Variants in SLIT2 observed in about 807,000 individuals in gnomAD.
SLIT2 encodes the protein slit guidance ligand 2.
Under a neutral mutation model 185.7 loss-of-function variants are expected in SLIT2, and 41 were observed. The ratio of observed to expected loss-of-function variants is 0.22; its 90% CI spans 0.17 to 0.29. SLIT2 has a LOEUF of 0.29. Among genes scored for constraint, SLIT2 ranks in the 10% least tolerant of loss-of-function variants. The probability of loss-of-function intolerance (pLI) is 1.00; values close to 1 mark genes in which losing one functional copy is unlikely to be tolerated. For synonymous variants in SLIT2, 693 were observed against 680.2 expected (o/e 1.02, Z -0.29); for missense variants, 1,571 against 1,909.0 (o/e 0.82, Z 3.30).
At chr4:20,536,062 G>T (rs77761050) in intron 18 of SLIT2, among the ~76,000 whole-genome samples, 4,534 of 152,174 alleles carry the variant, frequency 0.03, 238 homozygotes, top group African/African-American at 0.1. Context: ...ACAATGTAAA[G>T]TATTTGTGTA....
At chr4:20,266,141 A>C (rs1317458713) in intron 3 of SLIT2, among the ~76,000 whole-genome samples, 1 of 151,902 alleles carries the variant, frequency 6.6e-6, no homozygotes, top group African/African-American at 2.4e-5. Context: ...TTACACAGTG[A>C]ATTAGGAACC....
chr4:20,534,676 C>A (rs1722112228), intron 18 of SLIT2, among the ~76,000 whole-genome samples: 2 of 152,114 alleles, frequency 1.3e-5, no homozygotes, highest in South Asian at 4.1e-4. Flanking sequence ...CTGTCTCCCT[C>A]AAACCCACGA....
Position 20,613,994 on chromosome 4 carries a change from C to T in SLIT2, c.3848-2916C>T, listed in dbSNP as rs544684599. Among the ~76,000 whole-genome samples, 3 of 152,292 alleles carry T rather than the reference C, an allele frequency of 2.0e-5. No homozygotes were observed. The South Asian group carries it at 6.2e-4, about 32-fold the overall frequency. Reference sequence around the variant, plus strand: ...TCAAGTGATTCTCCTGCCTCAGCCTCCCAAGTAGCTGGGATTACAGGCGCC... The same window carrying T: ...TCAAGTGATTCTCCTGCCTCAGCCTTCCAAGTAGCTGGGATTACAGGCGCC... On this transcript the variant is annotated intron_variant, in intron 34 of 36. Coordinates refer to ENST00000504154, the MANE Select transcript of SLIT2 (RefSeq NM_004787.4).
intron 26 of SLIT2, among the ~76,000 whole-genome samples, chr4:20,559,503 C>G (rs1724523676): frequency 6.6e-6 from 1 of 151,916 alleles, no homozygotes; most frequent in South Asian, 2.1e-4. Context: ...AATGAAGACT[C>G]TGCTAGTTCA....
intron 5 of SLIT2, among the ~76,000 whole-genome samples, chr4:20,472,421 T>TATAGATATATAG (rs1715389930): frequency 1.1e-5 from 1 of 87,640 alleles, no homozygotes; most frequent in African/African-American, 4.7e-5. Flanking sequence ...TATATCTATA[T>TATAGATATATAG]ATATAGATAT....
chr4:20,463,466 T>TATATATATAC (rs1346400055), intron 4 of SLIT2, among the ~76,000 whole-genome samples: 1 of 83,320 alleles, frequency 1.2e-5, no homozygotes, highest in Non-Finnish European at 2.5e-5. Context: ...TATATATATA[T>TATATATATAC]ATATATATAT....
intron 7 of SLIT2, among the ~76,000 whole-genome samples, chr4:20,487,487 G>A (rs1397261762): frequency 6.6e-6 from 1 of 152,106 alleles, no homozygotes; most frequent in Non-Finnish European, 1.5e-5. Flanking sequence ...AGAAATTCGT[G>A]AGTTTGTCTT....
At chr4:20,307,092 C>T in intron 4 of SLIT2, among the ~76,000 whole-genome samples, 1 of 139,496 alleles carries the variant, frequency 7.2e-6, no homozygotes, top group East Asian at 2.2e-4. Flanking sequence ...CCTCCACCCG[C>T]TCTATTTCTT....
chr4:20,431,049 C>T (rs536164632), intron 4 of SLIT2, among the ~76,000 whole-genome samples: 3 of 152,194 alleles, frequency 2.0e-5, no homozygotes, highest in Non-Finnish European at 4.4e-5. Flanking sequence ...AACCGTGTTA[C>T]GTTGGCAGCC....
intron 8 of SLIT2, 81 bp from the exon 9 acceptor site, chr4:20,491,680 T>G (rs1717791799): frequency 2.5e-6 from 3 of 1,188,256 alleles, no homozygotes; most frequent in Non-Finnish European, 3.6e-6. Context: ...TGAAATGCTT[T>G]GTTACTTGAG....
At chr4:20,542,857 TGTGTGC>T (rs57996886) in intron 21 of SLIT2, among the ~76,000 whole-genome samples, 24,166 of 82,390 alleles carry the variant, frequency 0.29, 2,653 homozygotes, top group African/African-American at 0.48. Flanking sequence ...TGTGTGTGTG[TGTGTGC>T]GCTATAAGAT....
At chr4:20,610,838 G>A (rs1189310976) in intron 34 of SLIT2, among the ~76,000 whole-genome samples, 1 of 152,174 alleles carries the variant, frequency 6.6e-6, no homozygotes, top group Non-Finnish European at 1.5e-5. Context: ...TGAAATCATA[G>A]AGTGAAGACC....
chr4:20,411,836 CA>C (rs1464119224), intron 4 of SLIT2, among the ~76,000 whole-genome samples: 1 of 152,066 alleles, frequency 6.6e-6, no homozygotes, highest in Non-Finnish European at 1.5e-5. Flanking sequence ...CATTTTGACA[CA>C]AGGAGTTTGA....
chr4:20,587,964 A>T (rs1354079834), intron 29 of SLIT2, among the ~76,000 whole-genome samples: 1 of 152,188 alleles, frequency 6.6e-6, no homozygotes, highest in African/African-American at 2.4e-5. Context: ...GTTTTTACAA[A>T]CTGTCTTGGA....
intron 34 of SLIT2, among the ~76,000 whole-genome samples, chr4:20,611,888 A>G (rs1259299889): frequency 2.0e-5 from 3 of 152,150 alleles, no homozygotes; most frequent in Non-Finnish European, 4.4e-5. Flanking sequence ...TTAAGTCCAG[A>G]TCTGGCTGAC....
At chr4:20,325,092 A>C (rs958911579) in intron 4 of SLIT2, among the ~76,000 whole-genome samples, 1 of 150,804 alleles carries the variant, frequency 6.6e-6, no homozygotes, top group African/African-American at 2.4e-5. Context: ...TCTCCCTCCT[A>C]AGCTCTTTTT....
At chr4:20,447,732 A>C (rs1027556919) in intron 4 of SLIT2, among the ~76,000 whole-genome samples, 1 of 152,182 alleles carries the variant, frequency 6.6e-6, no homozygotes, top group East Asian at 1.9e-4. Flanking sequence ...AAGTTTCAGA[A>C]AAAAAGTAAA....
chr4:20,400,451 G>A (rs778737666), intron 4 of SLIT2, among the ~76,000 whole-genome samples: 5 of 151,710 alleles, frequency 3.3e-5, no homozygotes, highest in Non-Finnish European at 7.4e-5. Context: ...TGTTTTCAAG[G>A]TTTCTGGTTT....
At position 20,472,700 on chromosome 4, in the gene SLIT2, A is replaced by G. The variant is rs967427390; in HGVS notation, c.467+4877A>G. 2.8e-4 allele frequency among the ~76,000 whole-genome samples: 41 copies of G among 146,304 alleles called. 1 individual carries two copies. The highest frequency in any genetic ancestry group is 1.8e-3 in the Admixed American group (26 of 14,226). On this transcript the variant is annotated intron_variant, in intron 5 of 36. Coordinates refer to ENST00000504154, the MANE Select transcript of SLIT2 (RefSeq NM_004787.4). ...AAAGCCTTTGCTGTCTTCTAAACAAATATTGAACAGGGTCATGTTACATTG... is the reference window on the plus strand; with the variant it reads ...AAAGCCTTTGCTGTCTTCTAAACAAGTATTGAACAGGGTCATGTTACATTG...
Sources: allele counts gnomAD v4.1 joint callset (sites outside exome capture counted in the v4.1 genomes callset), GRCh38; gene constraint gnomAD v4.1.1; transcripts MANE v1.5; gene names NCBI Gene and HGNC (gene_info 2026-07-23, HGNC 2026-07-21).